The following PCDH15 variants were observed in gnomAD, a reference collection of about 807,000 sequenced individuals.
PCDH15 encodes protocadherin related 15, also known as protocadherin-15.
PCDH15 carries 129 observed loss-of-function variants against 178.5 expected under a neutral mutation model. That is an observed-to-expected ratio of 0.72 (90% CI 0.63 to 0.84). PCDH15 has a LOEUF of 0.84. Among genes scored for constraint, PCDH15 ranks in the 40% least tolerant of loss-of-function variants. The probability of loss-of-function intolerance (pLI) is 0.00; values close to 1 mark genes in which losing one functional copy is unlikely to be tolerated. For synonymous variants in PCDH15, 800 were observed against 732.0 expected (o/e 1.09, Z -1.50); for missense variants, 2,230 against 2,099.9 (o/e 1.06, Z -1.21).
chr10:55,209,818 C>T (rs909979855), intron 1 of PCDH15, among the ~76,000 whole-genome samples: 1 of 152,020 alleles, frequency 6.6e-6, no homozygotes, highest in East Asian at 1.9e-4. Flanking sequence ...GATATAAGCA[C>T]TATGCTCAAA....
intron 2 of PCDH15, among the ~76,000 whole-genome samples, chr10:54,620,930 T>C (rs138097369): frequency 3.9e-4 from 60 of 152,120 alleles, no homozygotes; most frequent in African/African-American, 1.1e-3. Context: ...ATTACTATTT[T>C]AATAAAGAAG....
At chr10:55,415,364 T>C (rs891476891) in intron 2 of PCDH15, among the ~76,000 whole-genome samples, 1 of 151,692 alleles carries the variant, frequency 6.6e-6, no homozygotes, top group Non-Finnish European at 1.5e-5. Context: ...TTTAATTTTT[T>C]CCTTGGTCAT....
rs2593124 is a variant in PCDH15 at position 53,903,442 on chromosome 10, T to C, written c.3374-72A>G. 1,099,878 of 1,560,730 alleles carry C rather than the reference T, an allele frequency of 0.7. 393,644 individuals are homozygous for C. The highest frequency in any genetic ancestry group is 1 in the East Asian group (44,276 of 44,320). ...GGGAAAAAATGCACTGAAGTAAATA[T>C]TTGCTGCACTTTTTTTTGGAAACAT... On this transcript the variant is annotated intron_variant, in intron 25 of 37. Transcript: ENST00000644397.
intron 2 of PCDH15, among the ~76,000 whole-genome samples, chr10:54,932,552 C>T (rs868783023): frequency 1.1e-4 from 16 of 152,044 alleles, no homozygotes; most frequent in African/African-American, 3.9e-4. Context: ...CTAAGTTTAT[C>T]ATGGTTTTGT....
At chr10:55,230,221 G>A (rs747285322) in intron 1 of PCDH15, among the ~76,000 whole-genome samples, 4 of 151,980 alleles carry the variant, frequency 2.6e-5, no homozygotes, top group Non-Finnish European at 4.4e-5. Flanking sequence ...TTGGAATAGA[G>A]TTATTAATTT....
At chr10:54,728,261 G>T (rs1220356070) in intron 1 of PCDH15, among the ~76,000 whole-genome samples, 1 of 151,500 alleles carries the variant, frequency 6.6e-6, no homozygotes, top group African/African-American at 2.4e-5. Context: ...TTCCTGGGAT[G>T]CAAGGTTAGT....
At chr10:54,043,779 G>T (rs1327259309) in intron 18 of PCDH15, among the ~76,000 whole-genome samples, 2 of 152,034 alleles carry the variant, frequency 1.3e-5, no homozygotes, top group African/African-American at 4.8e-5. Context: ...CTGGGCACAT[G>T]TGGCTACAAA....
intron 2 of PCDH15, among the ~76,000 whole-genome samples, chr10:55,607,782 A>T (rs1483390406): frequency 6.8e-6 from 1 of 146,180 alleles, no homozygotes; most frequent in Non-Finnish European, 1.5e-5. Context: ...TAGCATTGGG[A>T]GATATACCTA....
chr10:54,738,365 A>G (rs746214492), intron 1 of PCDH15, among the ~76,000 whole-genome samples: 1 of 152,116 alleles, frequency 6.6e-6, no homozygotes, highest in Non-Finnish European at 1.5e-5. Flanking sequence ...TAATTTCTGT[A>G]AGGTAACAAT....
chr10:54,166,196 C>T (rs1266411608), intron 13 of PCDH15, among the ~76,000 whole-genome samples: 1 of 152,176 alleles, frequency 6.6e-6, no homozygotes, highest in Non-Finnish European at 1.5e-5. Context: ...AGTACTCTAA[C>T]AGATCATCAT....
intron 28 of PCDH15, among the ~76,000 whole-genome samples, chr10:53,854,430 A>C (rs528906837): frequency 6.6e-6 from 1 of 152,180 alleles, no homozygotes; most frequent in Admixed American, 6.6e-5. Flanking sequence ...ATCACAACAA[A>C]AGGAATGGGG....
intron 33 of PCDH15, chr10:53,818,235 C>A: frequency 2.8e-6 from 1 of 356,736 alleles, no homozygotes; most frequent in Non-Finnish European, 5.0e-6. Flanking sequence ...CCCAGAGCCT[C>A]GTTCCATATG....
chr10:54,547,669 C>T (rs529358568), intron 2 of PCDH15, among the ~76,000 whole-genome samples: 42 of 152,156 alleles, frequency 2.8e-4, no homozygotes, highest in African/African-American at 9.9e-4. Context: ...ACACTATTTA[C>T]CTGTTCTTTA....
rs147134633 is a variant in PCDH15 at position 54,757,589 on chromosome 10, C to G, written c.-29+43336G>C. On this transcript the variant is annotated intron_variant, in intron 1 of 37. Coordinates refer to ENST00000644397, the MANE Select transcript of PCDH15 (RefSeq NM_001384140.1). ...AGCCACCGCGCCCGGCCAATTCTACCTTCTTAAAAATTGGCTTTCCTTTAG... is the reference window on the plus strand; with the variant it reads ...AGCCACCGCGCCCGGCCAATTCTACGTTCTTAAAAATTGGCTTTCCTTTAG... Among the ~76,000 whole-genome samples the G allele has an allele frequency of 3.9e-5, 6 of 151,984 alleles. 3 individuals carry two copies. Among genetic ancestry groups the G allele is most frequent in the Non-Finnish European group, 8.8e-5 (6 of 67,982 alleles).
rs573447887 is a variant in PCDH15 at position 55,069,126 on chromosome 10, G to A, written c.-80+97450C>T. Reference sequence around the variant, plus strand: ...TTGCCATATTGGCCAAGCTGGTCTCGAACTCCTGTCCTGATGTGATCCACC... The same window carrying A: ...TTGCCATATTGGCCAAGCTGGTCTCAAACTCCTGTCCTGATGTGATCCACC... On this transcript the variant is annotated intron_variant, in intron 2 of 5. Transcript: ENST00000458638. 2.5e-3 allele frequency among the ~76,000 whole-genome samples: 379 copies of A among 150,022 alleles called. 2 individuals are homozygous for A. The highest frequency in any genetic ancestry group is 8.6e-3 in the African/African-American group (352 of 40,698).
intron 2 of PCDH15, among the ~76,000 whole-genome samples, chr10:55,068,605 G>T (rs945209384): frequency 4.0e-5 from 6 of 151,854 alleles, no homozygotes; most frequent in African/African-American, 1.5e-4. Flanking sequence ...ATGAATTTTA[G>T]GATATTTTTT....
intron 8 of PCDH15, among the ~76,000 whole-genome samples, chr10:54,253,172 G>A (rs9804255): frequency 0.042 from 6,314 of 152,038 alleles, 438 homozygotes; most frequent in African/African-American, 0.14. Context: ...TTCAGAACTG[G>A]AGAAAATTTA....
At chr10:54,908,510 C>T (rs975043871) in intron 2 of PCDH15, among the ~76,000 whole-genome samples, 1 of 152,154 alleles carries the variant, frequency 6.6e-6, no homozygotes, top group East Asian at 1.9e-4. Context: ...CCTCTCATCC[C>T]TCCTTTTTGT....
chr10:54,528,560 A>G (rs895655289), intron 2 of PCDH15, among the ~76,000 whole-genome samples: 1 of 152,074 alleles, frequency 6.6e-6, no homozygotes, highest in Admixed American at 6.6e-5. Flanking sequence ...TAGAATATAT[A>G]AAATCCCTAT....
Sources: gnomAD v4.1 joint callset for allele counts (sites outside exome capture counted in the v4.1 genomes callset) on GRCh38, gnomAD v4.1.1 for gene constraint, MANE v1.5 for transcripts, NCBI Gene and HGNC (gene_info 2026-07-23, HGNC 2026-07-21) for gene names.